LCOR: variants seen among roughly 807,000 people sequenced by gnomAD.
LCOR encodes the protein ligand dependent nuclear receptor corepressor, also known as ligand-dependent corepressor.
LCOR carries 14 observed loss-of-function variants against 64.4 expected under a neutral mutation model. The observed-to-expected ratio is 0.22, with a 90% CI of 0.14 to 0.34. LCOR has a LOEUF of 0.34. Among genes scored for constraint, LCOR ranks in the 10% least tolerant of loss-of-function variants. The pLI, the probability that LCOR is intolerant of heterozygous loss-of-function variation, is 1.00. For synonymous variants in LCOR, 643 were observed against 642.5 expected (o/e 1.00, Z -0.01); for missense variants, 1,686 against 1,765.3 (o/e 0.96, Z 0.80).
intron 5 of LCOR, 59 bp downstream of exon 5, chr10:96,944,304 A>C: frequency 1.1e-6 from 1 of 887,934 alleles, no homozygotes; most frequent in Non-Finnish European, 1.3e-6. Flanking sequence ...TGATCTCCTT[A>C]ATTTCATTGT....
chr10:96,894,312 C>T (rs924940030), intron 2 of LCOR, among the ~76,000 whole-genome samples: 5 of 152,098 alleles, frequency 3.3e-5, no homozygotes, highest in South Asian at 2.1e-4. Flanking sequence ...TTCTTGACCA[C>T]GTGATCCGAC....
At chr10:96,942,604 C>T (rs1238047286) in intron 4 of LCOR, among the ~76,000 whole-genome samples, 1 of 152,046 alleles carries the variant, frequency 6.6e-6, no homozygotes, top group African/African-American at 2.4e-5. Flanking sequence ...CCAGTGAGTT[C>T]TTCATATTAA....
At position 96,981,702 on chromosome 10, in the gene LCOR, C is replaced by T. The variant is rs1228894993; in HGVS notation, c.1242C>T (p.Gly414=). ...ACCATTTACATCCCAGTGATAAGGG[C>T]CAGTTTGATCATTCCAAAGATGGTT... The part of the protein sequence containing the change: ...VGYHLHPSDK[G]QFDHSKDGWL... The change falls in exon 8 of 8, where the codon GGC becomes GGT. Residue 414 remains glycine (G), a synonymous_variant. Transcript: ENST00000421806. The T allele has an allele frequency of 1.9e-6, 3 of 1,614,202 alleles. No homozygotes were observed. Among genetic ancestry groups the T allele is most frequent in the Admixed American group, 1.7e-5 (1 of 60,032 alleles).
intron 2 of LCOR, among the ~76,000 whole-genome samples, chr10:96,874,495 A>G (rs1194230328): frequency 6.6e-6 from 1 of 152,134 alleles, no homozygotes; most frequent in Non-Finnish European, 1.5e-5. Context: ...AATAGCTAAC[A>G]TTTATGTAGT....
chr10:96,979,243 TGC>T (rs1252228528), intron 7 of LCOR, among the ~76,000 whole-genome samples: 4 of 152,252 alleles, frequency 2.6e-5, no homozygotes, highest in Admixed American at 6.5e-5. Context: ...TGCCTCTGTG[TGC>T]TGCTGTATTT....
At chr10:96,923,638 TC>T (rs1237461630) in intron 4 of LCOR, among the ~76,000 whole-genome samples, 1 of 152,244 alleles carries the variant, frequency 6.6e-6, no homozygotes, top group Non-Finnish European at 1.5e-5. Context: ...GAAATGTTCA[TC>T]TTTATTGTTA....
At chr10:96,864,991 C>G (rs1383299938) in intron 2 of LCOR, among the ~76,000 whole-genome samples, 1 of 152,040 alleles carries the variant, frequency 6.6e-6, no homozygotes, top group Admixed American at 6.6e-5. Flanking sequence ...GTAATAGAAA[C>G]TCAGAAGAAT....
chr10:96,893,632 G>A (rs1229860381), intron 2 of LCOR, among the ~76,000 whole-genome samples: 1 of 151,984 alleles, frequency 6.6e-6, no homozygotes, highest in Non-Finnish European at 1.5e-5. Flanking sequence ...GCATGGTGGT[G>A]GGCATCTGTA....
intron 7 of LCOR, among the ~76,000 whole-genome samples, chr10:96,971,677 A>C (rs1035913647): frequency 6.6e-6 from 1 of 152,216 alleles, no homozygotes; most frequent in Non-Finnish European, 1.5e-5. Context: ...TTTGGGCTTT[A>C]GGAAGTTGGC....
chr10:96,982,731 C>A lies in LCOR; in HGVS notation c.2271C>A (p.Asn757Lys), dbSNP rs542194798. 1 of 1,614,134 alleles carries A rather than the reference C, an allele frequency of 6.2e-7. No individual in the cohort carries two copies. Among genetic ancestry groups the A allele is most frequent in the South Asian group, 1.1e-5 (1 of 91,080 alleles). The change falls in exon 8 of 8, where the codon AAC becomes AAA. Residue 757 changes from asparagine to lysine, a missense_variant. By Grantham distance (94) the Asn-to-Lys change is moderately conservative. Coordinates refer to ENST00000421806, the MANE Select transcript of LCOR (RefSeq NM_001346516.2). ...LKESSTFTDE[N>K]PSETEESEAA... is the part of the protein sequence containing the mutation. ...AAAGCAGCACTTTTACTGATGAAAA[C>A]CCCAGTGAAACTGAGGAAAGTGAGG...
At chr10:96,867,580 G>T (rs1212474572) in intron 2 of LCOR, among the ~76,000 whole-genome samples, 6 of 152,112 alleles carry the variant, frequency 3.9e-5, no homozygotes, top group Admixed American at 3.9e-4. Flanking sequence ...CTGGGTGACA[G>T]AGTGAAATTC....
chr10:96,845,453 T>C (rs1354683076), intron 2 of LCOR, among the ~76,000 whole-genome samples: 17 of 59,326 alleles, frequency 2.9e-4, no homozygotes, highest in African/African-American at 1.7e-3. Context: ...CTTATCCTTT[T>C]TTTTTTTTTT....
intron 4 of LCOR, among the ~76,000 whole-genome samples, chr10:96,934,138 C>A (rs1436135056): frequency 6.6e-6 from 1 of 152,088 alleles, no homozygotes; most frequent in Non-Finnish European, 1.5e-5. Flanking sequence ...TTAAAGTAAT[C>A]CAGATTCAGA....
At chr10:96,940,303 ATTTTTTT>A (rs552752409) in intron 4 of LCOR, among the ~76,000 whole-genome samples, 233 of 65,444 alleles carry the variant, frequency 3.6e-3, no homozygotes, top group Non-Finnish European at 4.7e-3. Flanking sequence ...GGTGGTCATG[ATTTTTTT>A]TTTTTTTTTT....
At chr10:96,979,572 T>A (rs760895370) in intron 7 of LCOR, among the ~76,000 whole-genome samples, 6 of 152,198 alleles carry the variant, frequency 3.9e-5, no homozygotes, top group Admixed American at 1.3e-4. Flanking sequence ...TTCTTGTGGT[T>A]GATTGTAAAA....
At chr10:96,964,349 C>G (rs118187289) in intron 7 of LCOR, 72 of 151,296 alleles carry the variant, frequency 4.8e-4, no homozygotes, top group Non-Finnish European at 9.1e-4. Context: ...GAGAAACATT[C>G]CCAGCTGTAA....
At chr10:96,862,137 AG>A (rs1391872073) in intron 2 of LCOR, among the ~76,000 whole-genome samples, 2 of 152,194 alleles carry the variant, frequency 1.3e-5, no homozygotes, top group African/African-American at 2.4e-5. Context: ...GCATGGAGGA[AG>A]GGGCACAGAG....
chr10:96,982,499 G>C lies in LCOR; in HGVS notation c.2039G>C (p.Gly680Ala), dbSNP rs746036515. Residue 680 changes from glycine (G) to alanine (A), a missense_variant, in exon 8 of 8, where the codon GGA becomes GCA. Around this residue, in one of 3 missense-constraint regions of LCOR, gnomAD observed 1,293 missense variants for 1,410.4 expected, o/e 0.92. Coordinates refer to ENST00000421806, the MANE Select transcript of LCOR (RefSeq NM_001346516.2). Reference sequence around the variant, plus strand: ...CCCTCCACTGAAAGCTTTTCCGGGGGAGTCAGTGAAGATGTCATTTCTAGG... The same window carrying C: ...CCCTCCACTGAAAGCTTTTCCGGGGCAGTCAGTGAAGATGTCATTTCTAGG... ...LLPSTESFSG[G>A]VSEDVISRPH... The C allele has an allele frequency of 1.9e-6, 3 of 1,614,066 alleles. No individual in the cohort carries two copies. The highest frequency in any genetic ancestry group is 2.5e-6 in the Non-Finnish European group (3 of 1,180,040).
At chr10:96,952,493 A>C (rs1219637688) in intron 7 of LCOR, among the ~76,000 whole-genome samples, 1 of 152,148 alleles carries the variant, frequency 6.6e-6, no homozygotes, top group Non-Finnish European at 1.5e-5. Context: ...GTTTAGATGT[A>C]AAGACAGTAT....
Sources: allele counts gnomAD v4.1 joint callset (sites outside exome capture counted in the v4.1 genomes callset), GRCh38; gene constraint gnomAD v4.1.1; regional missense constraint gnomAD v4.1.1; transcripts MANE v1.5; gene names NCBI Gene and HGNC (gene_info 2026-07-23, HGNC 2026-07-21).